The following RHOA variants were observed in gnomAD, a reference collection of about 807,000 sequenced individuals.
RHOA encodes ras homolog family member A.
A neutral mutation model predicts 17.5 loss-of-function variants in RHOA; 3 were observed. That is an observed-to-expected ratio of 0.17 (90% confidence interval 0.08 to 0.44). The LOEUF is 0.44. Among genes scored for constraint, RHOA ranks in the 20% least tolerant of loss-of-function variants. The pLI, the probability that RHOA is intolerant of heterozygous loss-of-function variation, is 0.99. For missense variants in RHOA, 56 were observed against 242.3 expected (o/e 0.23, Z 5.10); for synonymous variants, 98 against 88.4 (o/e 1.11, Z -0.61).
intron 1 of RHOA, among the ~76,000 whole-genome samples, chr3:49,389,501 G>T (rs1160335364): frequency 6.6e-6 from 1 of 152,060 alleles, no homozygotes; most frequent in African/African-American, 2.4e-5. Context: ...GGTTCTGAGC[G>T]GCAGGTCTAT....
At chr3:49,370,466 G>C (rs2048131986) in intron 2 of RHOA, among the ~76,000 whole-genome samples, 1 of 152,146 alleles carries the variant, frequency 6.6e-6, no homozygotes, top group African/African-American at 2.4e-5. Context: ...TAAATTTTCT[G>C]CTATAATGTG....
At chr3:49,361,499 C>T (rs1270471393) in intron 4 of RHOA, among the ~76,000 whole-genome samples, 2 of 152,206 alleles carry the variant, frequency 1.3e-5, no homozygotes, top group Non-Finnish European at 2.9e-5. Flanking sequence ...TCTGGACTCC[C>T]AGCCTTCAAG....
chr3:49,390,003 AT>A (rs1381604492), intron 1 of RHOA, among the ~76,000 whole-genome samples: 2 of 152,062 alleles, frequency 1.3e-5, no homozygotes, highest in African/African-American at 4.8e-5. Context: ...CCAAGTACAC[AT>A]ACTGATTTAG....
intron 1 of RHOA, among the ~76,000 whole-genome samples, chr3:49,393,588 G>C (rs1446546015): frequency 2.2e-5 from 3 of 136,940 alleles, no homozygotes; most frequent in African/African-American, 8.2e-5. Context: ...GTAGGCCACT[G>C]CACTGGCTTT....
intron 1 of RHOA, among the ~76,000 whole-genome samples, chr3:49,406,372 T>A (rs2048832782): frequency 6.6e-6 from 1 of 152,198 alleles, no homozygotes; most frequent in Non-Finnish European, 1.5e-5. Context: ...AATAAAAATG[T>A]ATACATAACA....
intron 1 of RHOA, among the ~76,000 whole-genome samples, chr3:49,402,221 CTTTG>C (rs974435851): frequency 1.8e-4 from 28 of 152,064 alleles, no homozygotes; most frequent in East Asian, 3.9e-4. Flanking sequence ...CAGGATTTGA[CTTTG>C]TTTGGCCTAA....
At chr3:49,409,817 T>C (rs1174331283) in intron 1 of RHOA, among the ~76,000 whole-genome samples, 1 of 152,170 alleles carries the variant, frequency 6.6e-6, no homozygotes, top group Non-Finnish European at 1.5e-5. Flanking sequence ...GCACAGGGAA[T>C]TGTTTACTTG....
At position 49,359,621 on chromosome 3, in the gene RHOA, G is replaced by A; in HGVS notation, c.*588C>T. 4.8e-6 allele frequency: 1 copy of A among 208,578 alleles called. No homozygotes were observed. Among genetic ancestry groups the A allele is most frequent in the Non-Finnish European group, 9.8e-6 (1 of 102,328 alleles). The allele number at this position is 208,578 out of a possible 1,614,324, so 12.9% of individuals were successfully genotyped here. The stretch of plus-strand genomic sequence containing the variant: ...AAAATACTACATCTAGTCTGGGGTA[G>A]ATATATTTATTTTTGGTAACATACA... On this transcript the variant is annotated 3_prime_UTR_variant, in exon 5 of 5. Coordinates refer to ENST00000418115, the MANE Select transcript of RHOA (RefSeq NM_001664.4).
chr3:49,378,807 G>T (rs985129053), intron 1 of RHOA, among the ~76,000 whole-genome samples: 4 of 151,936 alleles, frequency 2.6e-5, no homozygotes, highest in African/African-American at 9.7e-5. Context: ...TATTACCCAG[G>T]CTGGTCTCAA....
chr3:49,387,181 A>G (rs1454265771), intron 1 of RHOA, among the ~76,000 whole-genome samples: 1 of 141,744 alleles, frequency 7.1e-6, no homozygotes, highest in Non-Finnish European at 1.5e-5. Context: ...GTGGTGGCTC[A>G]CACCTGTAAT....
chr3:49,399,361 C>G (rs1397207199), intron 1 of RHOA, among the ~76,000 whole-genome samples: 1 of 141,852 alleles, frequency 7.0e-6, no homozygotes, highest in Admixed American at 7.0e-5. Context: ...CAGAGCGAGA[C>G]TCTGTCTCAA....
At chr3:49,407,329 G>A (rs2048850936) in intron 1 of RHOA, among the ~76,000 whole-genome samples, 1 of 134,748 alleles carries the variant, frequency 7.4e-6, no homozygotes, top group Non-Finnish European at 1.5e-5. Context: ...CGCCTCCCAG[G>A]TTAAAGTGAT....
chr3:49,390,380 C>T (rs2048478697), intron 1 of RHOA, among the ~76,000 whole-genome samples: 1 of 152,030 alleles, frequency 6.6e-6, no homozygotes, highest in African/African-American at 2.4e-5. Context: ...CCACCTGCCT[C>T]GGCCTCCCAA....
chr3:49,366,082 C>CA (rs2048050314), intron 3 of RHOA, among the ~76,000 whole-genome samples: 1 of 152,032 alleles, frequency 6.6e-6, no homozygotes, highest in Admixed American at 6.6e-5. Context: ...ACTGAAGAGA[C>CA]AAAATGTTTT....
intron 1 of RHOA, among the ~76,000 whole-genome samples, chr3:49,382,460 C>A (rs1438578272): frequency 6.6e-6 from 1 of 152,002 alleles, no homozygotes; most frequent in East Asian, 1.9e-4. Context: ...CACAGTGAAA[C>A]CCCATCTCTA....
intron 2 of RHOA, 80 bp downstream of exon 2, chr3:49,375,354 A>G (rs969525205): frequency 2.1e-6 from 3 of 1,405,670 alleles, no homozygotes; most frequent in African/African-American, 2.9e-5. Context: ...CTGAAGAGGC[A>G]AAAAGCTCTA....
chr3:49,381,298 G>A (rs1039245212), intron 1 of RHOA, among the ~76,000 whole-genome samples: 3 of 151,596 alleles, frequency 2.0e-5, no homozygotes, highest in South Asian at 2.1e-4. Flanking sequence ...CCGGCTACTC[G>A]AGAGGCTGAG....
rs1575638021 is a variant in RHOA, at chr3:49,360,043, A to G, written c.*166T>C. 3.3e-5 allele frequency: 26 copies of G among 776,954 alleles called. 2 individuals carry two copies. In the South Asian group the frequency reaches 4.9e-4, roughly 15 times the overall value. The allele number at this position is 776,954 out of a possible 1,614,324, so 48.1% of individuals were successfully genotyped here. On this transcript the variant is annotated 3_prime_UTR_variant, in exon 5 of 5. Coordinates refer to ENST00000418115, the MANE Select transcript of RHOA (RefSeq NM_001664.4). Reference sequence around the variant, plus strand: ...CCCTGGTGGGCCAGACGGGTTGGACATCGTTAATAATCATAGTTGGCTTCT... The same window carrying G: ...CCCTGGTGGGCCAGACGGGTTGGACGTCGTTAATAATCATAGTTGGCTTCT...
At chr3:49,367,915 A>T (rs55990645) in intron 3 of RHOA, among the ~76,000 whole-genome samples, 3,872 of 151,598 alleles carry the variant, frequency 0.026, 171 homozygotes, top group African/African-American at 0.087. Context: ...TAATAATAAT[A>T]ATTATTATTT....
Sources: gnomAD v4.1 joint callset for allele counts (sites outside exome capture counted in the v4.1 genomes callset) on GRCh38, gnomAD v4.1.1 for gene constraint, MANE v1.5 for transcripts, NCBI Gene and HGNC (gene_info 2026-07-23, HGNC 2026-07-21) for gene names.